Variants in ATP10B observed in about 807,000 individuals in gnomAD.
ATP10B encodes phospholipid-transporting ATPase VB.
Under a neutral mutation model 141.2 loss-of-function variants are expected in ATP10B, and 122 were observed. The observed-to-expected ratio is 0.86, with a 90% confidence interval of 0.75 to 1.00. The LOEUF (loss-of-function observed/expected upper bound fraction) is 1.00, where lower values mean the gene tolerates loss of function less well. Ranked by LOEUF, ATP10B falls within the 50% of genes least tolerant of loss-of-function variation. The pLI is 0.00. For missense variants in ATP10B, 1,876 were observed against 1,825.3 expected (o/e 1.03, Z -0.51); for synonymous variants, 685 against 692.0 (o/e 0.99, Z 0.16).
At chr5:160,882,336 G>A in the ATP10B span, among the ~76,000 whole-genome samples, 1 of 152,168 alleles carries the variant, frequency 6.6e-6, no homozygotes, top group Non-Finnish European at 1.5e-5. Flanking sequence ...GATAATGGGA[G>A]AGGCCAGGCA....
chr5:160,743,094 C>A (rs1282739207), intron 2 of ATP10B, among the ~76,000 whole-genome samples: 1 of 152,134 alleles, frequency 6.6e-6, no homozygotes, highest in Non-Finnish European at 1.5e-5. Flanking sequence ...TTTATTAAAT[C>A]TTCACCACAA....
chr5:160,787,339 T>C (rs1440305263), intron 1 of ATP10B, among the ~76,000 whole-genome samples: 1 of 152,174 alleles, frequency 6.6e-6, no homozygotes, highest in Non-Finnish European at 1.5e-5. Flanking sequence ...TTTCCTGATC[T>C]GTCCTCCTTT....
At chr5:160,573,841 C>T (rs529306317) in intron 24 of ATP10B, among the ~76,000 whole-genome samples, 1 of 152,136 alleles carries the variant, frequency 6.6e-6, no homozygotes, top group African/African-American at 2.4e-5. Context: ...TTAACTATTA[C>T]ATGGTATGAA....
At chr5:160,681,911 A>G (rs1163828523) in intron 6 of ATP10B, among the ~76,000 whole-genome samples, 2 of 152,240 alleles carry the variant, frequency 1.3e-5, no homozygotes. Flanking sequence ...CATAATAACA[A>G]TTAGCAGAAG....
intron 7 of ATP10B, among the ~76,000 whole-genome samples, chr5:160,652,392 C>T (rs1340093802): frequency 6.6e-6 from 1 of 150,976 alleles, no homozygotes; most frequent in Non-Finnish European, 1.5e-5. Flanking sequence ...CAGCTCAAGA[C>T]ACAGAGAACT....
chr5:160,835,932 C>T (rs1218466010), intron 1 of ATP10B, among the ~76,000 whole-genome samples: 1 of 152,026 alleles, frequency 6.6e-6, no homozygotes, highest in Non-Finnish European at 1.5e-5. Context: ...GAACTTGGTC[C>T]CAACTGCTGA....
chr5:160,890,433 C>T, the ATP10B span, among the ~76,000 whole-genome samples: 2 of 152,152 alleles, frequency 1.3e-5, no homozygotes, highest in South Asian at 4.2e-4. Flanking sequence ...CCCCATTAAG[C>T]AGTCACTCCC....
At chr5:160,679,230 C>T (rs1054729426) in intron 6 of ATP10B, among the ~76,000 whole-genome samples, 8 of 152,160 alleles carry the variant, frequency 5.3e-5, no homozygotes, top group Non-Finnish European at 1.2e-4. Flanking sequence ...GCTAGGCCCT[C>T]GGTGCTACGC....
intron 7 of ATP10B, among the ~76,000 whole-genome samples, chr5:160,652,889 TTATATAATATATTATATATACATGTA>T (rs61034794): frequency 0.14 from 4,369 of 32,250 alleles, 288 homozygotes; most frequent in African/African-American, 0.2. Flanking sequence ...ATATATATAA[TTATATAATATATTATATATACATGTA>T]TATATAATAT....
At chr5:160,749,039 A>G (rs1294767971) in intron 2 of ATP10B, among the ~76,000 whole-genome samples, 1 of 152,150 alleles carries the variant, frequency 6.6e-6, no homozygotes, top group Admixed American at 6.5e-5. Context: ...CCAACACCAC[A>G]ACCTAGTAAA....
Position 160,834,524 on chromosome 5 carries a change from G to A in ATP10B, c.-576+17417C>T, listed in dbSNP as rs111862079. Among the ~76,000 whole-genome samples the A allele has an allele frequency of 9.3e-3, 1,414 of 152,158 alleles. 17 individuals carry two copies. Among genetic ancestry groups the A allele is most frequent in the Non-Finnish European group, 0.011 (742 of 67,994 alleles). On this transcript the variant is annotated intron_variant, in intron 1 of 25. Coordinates refer to ENST00000327245, the MANE Select transcript of ATP10B (RefSeq NM_025153.3). ...TTAATGGATCTGTACAAAAGGATGT[G>A]CCTTTTTCAGGGCAACATTCTTTAT... is the stretch of plus-strand genomic sequence containing the variant.
chr5:160,571,363 G>A (rs1368120146), intron 24 of ATP10B, among the ~76,000 whole-genome samples: 2 of 152,046 alleles, frequency 1.3e-5, no homozygotes, highest in East Asian at 3.9e-4. Flanking sequence ...TATAGTTATT[G>A]TAGTCTTTAT....
At chr5:160,671,078 A>T (rs571758139) in intron 6 of ATP10B, among the ~76,000 whole-genome samples, 6 of 148,766 alleles carry the variant, frequency 4.0e-5, no homozygotes, top group African/African-American at 1.5e-4. Flanking sequence ...GGCAGGAGAA[A>T]CGCTTGAACC....
intron 10 of ATP10B, among the ~76,000 whole-genome samples, chr5:160,636,711 A>T (rs1367337207): frequency 6.6e-6 from 1 of 152,114 alleles, no homozygotes; most frequent in East Asian, 1.9e-4. Flanking sequence ...TTCTTATCCC[A>T]TCTAATGCCC....
intron 13 of ATP10B, among the ~76,000 whole-genome samples, chr5:160,624,643 G>T (rs1008342829): frequency 7.9e-5 from 12 of 152,104 alleles, no homozygotes; most frequent in African/African-American, 2.4e-4. Flanking sequence ...TTCCTAGTAG[G>T]CGCTCACATT....
At chr5:160,628,566 CTCTCTGTTGCAT>C (rs1264192345) in intron 13 of ATP10B, among the ~76,000 whole-genome samples, 1 of 152,020 alleles carries the variant, frequency 6.6e-6, no homozygotes, top group Non-Finnish European at 1.5e-5. Flanking sequence ...TCCTTCGCTC[CTCTCTGTTGCAT>C]TCTCTTCAGA....
intron 7 of ATP10B, among the ~76,000 whole-genome samples, chr5:160,650,041 G>A (rs1018491659): frequency 6.6e-6 from 1 of 151,638 alleles, no homozygotes; most frequent in Non-Finnish European, 1.5e-5. Flanking sequence ...CCTGGGAGGT[G>A]GAGGTTGCAG....
rs769227379 is a variant in ATP10B, at chr5:160,612,699, C to T, written c.2838+42G>A. On this transcript the variant is annotated intron_variant, in intron 18 of 25. Coordinates refer to ENST00000327245, the MANE Select transcript of ATP10B (RefSeq NM_025153.3). ...TCCTCTTGGTTGAGGGGTTGCTCTA[C>T]ACGTTGATATCTGCAGATATCAATA... The T allele has an allele frequency of 3.9e-6, 6 of 1,543,430 alleles. No homozygotes were observed. In the South Asian group the frequency reaches 4.7e-5, roughly 12 times the overall value.
At chr5:160,701,089 G>T (rs2127760813) in intron 3 of ATP10B, among the ~76,000 whole-genome samples, 1 of 152,124 alleles carries the variant, frequency 6.6e-6, no homozygotes, top group Non-Finnish European at 1.5e-5. Context: ...GTGCTTACTT[G>T]GCCTCGTGAT....
Sources: allele counts gnomAD v4.1 joint callset (sites outside exome capture counted in the v4.1 genomes callset), GRCh38; gene constraint gnomAD v4.1.1; transcripts MANE v1.5; gene names NCBI Gene and HGNC (gene_info 2026-07-23, HGNC 2026-07-21).